ADGRB3: variants seen among roughly 807,000 people sequenced by gnomAD.
The protein encoded by ADGRB3 is adhesion G protein-coupled receptor B3.
A neutral mutation model predicts 193.4 loss-of-function variants in ADGRB3; 37 were observed. That is an observed-to-expected ratio of 0.19 (90% CI 0.15 to 0.25). The LOEUF (loss-of-function observed/expected upper bound fraction) is 0.25. Ranked by LOEUF, ADGRB3 falls within the 10% of genes least tolerant of loss-of-function variation. The pLI is 1.00. For synonymous variants in ADGRB3, 690 were observed against 644.2 expected, an observed-to-expected ratio of 1.07 and a Z score of -1.08; for missense variants, 1,637 against 1,852.9, an observed-to-expected ratio of 0.88 and a Z score of 2.14.
intron 15 of ADGRB3, 140 bp from the exon 16 acceptor site, chr6:69,062,794 G>A (rs1370843710): frequency 3.3e-6 from 2 of 612,534 alleles, no homozygotes; most frequent in Admixed American, 3.1e-5. Flanking sequence ...AGTAAAATGT[G>A]TCTTTCCATG....
chr6:68,693,263 T>C (rs1407622102), intron 3 of ADGRB3, among the ~76,000 whole-genome samples: 1 of 151,898 alleles, frequency 6.6e-6, no homozygotes, highest in East Asian at 1.9e-4. Context: ...AGTTTGCCTT[T>C]TAACTCCTAC....
chr6:69,278,653 C>A (rs1767353969), intron 20 of ADGRB3, among the ~76,000 whole-genome samples: 2 of 152,122 alleles, frequency 1.3e-5, no homozygotes, highest in Admixed American at 1.3e-4. Flanking sequence ...AATCAGTGAA[C>A]ATTTATTCAT....
intron 3 of ADGRB3, among the ~76,000 whole-genome samples, chr6:68,716,511 C>T (rs1765492393): frequency 6.6e-6 from 1 of 150,780 alleles, no homozygotes; most frequent in African/African-American, 2.4e-5. Context: ...TGCATCACAG[C>T]TCATTTTTTT....
At chr6:68,814,405 T>G (rs1015698423) in intron 3 of ADGRB3, among the ~76,000 whole-genome samples, 2 of 152,208 alleles carry the variant, frequency 1.3e-5, no homozygotes, top group African/African-American at 4.8e-5. Context: ...GATGGTGTTG[T>G]TTGTTTTTTT....
intron 6 of ADGRB3, among the ~76,000 whole-genome samples, chr6:68,952,904 A>G (rs1767972406): frequency 1.3e-5 from 2 of 152,172 alleles, no homozygotes; most frequent in African/African-American, 4.8e-5. Flanking sequence ...TAACATTAAC[A>G]CAGAATATGT....
At chr6:68,670,734 C>T (rs892733928) in intron 3 of ADGRB3, among the ~76,000 whole-genome samples, 2 of 151,836 alleles carry the variant, frequency 1.3e-5, no homozygotes, top group African/African-American at 4.8e-5. Context: ...ATAGCTTTAG[C>T]TTTTCTGGGT....
intron 26 of ADGRB3, among the ~76,000 whole-genome samples, chr6:69,346,784 A>G (rs967374031): frequency 3.9e-5 from 6 of 152,228 alleles, no homozygotes; most frequent in Admixed American, 6.5e-5. Flanking sequence ...CCATTGTGGA[A>G]GACAGTGTGA....
At chr6:69,193,023 A>C (rs1203744056) in intron 17 of ADGRB3, among the ~76,000 whole-genome samples, 1 of 152,138 alleles carries the variant, frequency 6.6e-6, no homozygotes, top group Non-Finnish European at 1.5e-5. Flanking sequence ...CTTACTTTTC[A>C]ATATCACGAG....
chr6:69,028,029 C>T (rs1770490334), intron 13 of ADGRB3, among the ~76,000 whole-genome samples: 1 of 152,118 alleles, frequency 6.6e-6, no homozygotes, highest in South Asian at 2.1e-4. Context: ...TGGTTTGAGC[C>T]CATTTGATTT....
At chr6:69,124,039 A>G (rs1245134913) in intron 17 of ADGRB3, among the ~76,000 whole-genome samples, 1 of 152,142 alleles carries the variant, frequency 6.6e-6, no homozygotes. Context: ...TATCCTTCCT[A>G]TAAACATTAG....
At chr6:69,346,517 A>G (rs1769091961) in intron 26 of ADGRB3, among the ~76,000 whole-genome samples, 1 of 152,238 alleles carries the variant, frequency 6.6e-6, no homozygotes, top group Admixed American at 6.5e-5. Context: ...CAAGAAATAA[A>G]CAACTCTATC....
At chr6:69,076,897 A>G (rs546041202) in intron 17 of ADGRB3, among the ~76,000 whole-genome samples, 1 of 152,010 alleles carries the variant, frequency 6.6e-6, no homozygotes, top group Non-Finnish European at 1.5e-5. Flanking sequence ...TTCACCCCTG[A>G]TATGATCTAC....
chr6:69,379,089 G>A (rs1164031548), intron 30 of ADGRB3, among the ~76,000 whole-genome samples: 1 of 152,008 alleles, frequency 6.6e-6, no homozygotes, highest in Admixed American at 6.6e-5. Context: ...TTGCGTGATA[G>A]TAATATGAAT....
Position 69,254,105 on chromosome 6 carries a change from C to T in ADGRB3, c.2814+14879C>T, listed in dbSNP as rs1361839775. On this transcript the variant is annotated intron_variant, in intron 20 of 31. Transcript: ENST00000370598. Reference sequence around the variant, plus strand: ...GACCAGAATGTATGCCAAGCAAACACCCTTTAACTTTATTTACAGTAAATG... The same window carrying T: ...GACCAGAATGTATGCCAAGCAAACATCCTTTAACTTTATTTACAGTAAATG... Among the ~76,000 whole-genome samples, 3 of 152,116 alleles carry T rather than the reference C, an allele frequency of 2.0e-5. No homozygotes were observed. The East Asian group carries it at 5.8e-4, about 29-fold the overall frequency.
At chr6:68,884,977 TAGAG>T (rs1765866693) in intron 3 of ADGRB3, among the ~76,000 whole-genome samples, 1 of 152,102 alleles carries the variant, frequency 6.6e-6, no homozygotes, top group Non-Finnish European at 1.5e-5. Flanking sequence ...GTAATATAGG[TAGAG>T]AGATAAGTCA....
At chr6:69,037,680 T>G (rs1003232064) in intron 13 of ADGRB3, among the ~76,000 whole-genome samples, 1 of 152,114 alleles carries the variant, frequency 6.6e-6, no homozygotes, top group African/African-American at 2.4e-5. Context: ...TGTCTCTCTT[T>G]CTGTCTCTCA....
At chr6:69,201,316 C>T (rs976679114) in intron 17 of ADGRB3, among the ~76,000 whole-genome samples, 2 of 152,094 alleles carry the variant, frequency 1.3e-5, no homozygotes, top group African/African-American at 2.4e-5. Flanking sequence ...TGACTTCCTC[C>T]TCTGGCTCCT....
At chr6:69,047,244 T>C (rs1263986662) in intron 13 of ADGRB3, among the ~76,000 whole-genome samples, 1 of 152,136 alleles carries the variant, frequency 6.6e-6, no homozygotes, top group Admixed American at 6.5e-5. Flanking sequence ...CAAGGGACAC[T>C]TGAAAATATG....
Position 68,814,036 on chromosome 6 carries a change from T to C in ADGRB3, c.758-116523T>C, listed in dbSNP as rs183356912. 2.7e-4 allele frequency among the ~76,000 whole-genome samples: 41 copies of C among 152,304 alleles called. No individual in the cohort carries two copies. In the Middle Eastern group the frequency reaches 0.01, roughly 38 times the overall value. On this transcript the variant is annotated intron_variant, in intron 3 of 31. Transcript: ENST00000370598. ...AAACCTACGTGTGCATGTGTCTTTA[T>C]AGCAGCATGATTTATAATCCTTTGG...
Sources: gnomAD v4.1 joint callset for allele counts (sites outside exome capture counted in the v4.1 genomes callset) on GRCh38, gnomAD v4.1.1 for gene constraint, MANE v1.5 for transcripts, NCBI Gene and HGNC (gene_info 2026-07-23, HGNC 2026-07-21) for gene names.